Variants in FBXL17 observed in about 807,000 individuals in gnomAD.
FBXL17 encodes the protein F-box/LRR-repeat protein 17.
A neutral mutation model predicts 66.2 loss-of-function variants in FBXL17; 22 were observed. That is an observed-to-expected ratio of 0.33 (90% CI 0.24 to 0.47). The LOEUF (loss-of-function observed/expected upper bound fraction) is 0.47, where lower values mean the gene tolerates loss of function less well. Among genes scored for constraint, FBXL17 ranks in the 20% least tolerant of loss-of-function variants. The probability of loss-of-function intolerance (pLI) is 1.00; values close to 1 mark genes in which losing one functional copy is unlikely to be tolerated. For synonymous variants in FBXL17, 474 were observed against 400.5 expected (o/e 1.18, Z -2.19); for missense variants, 878 against 948.2 (o/e 0.93, Z 0.97).
rs192665688 is a variant in FBXL17, at chr5:107,991,648, C to T, written c.1822+29277G>A. 1.4e-4 allele frequency among the ~76,000 whole-genome samples: 21 copies of T among 152,300 alleles called. No individual in the cohort carries two copies. In the East Asian group the frequency reaches 3.3e-3, roughly 24 times the overall value. The stretch of plus-strand genomic sequence containing the variant: ...CTACAACAGAGAGAGAAGGTGGCCA[C>T]GACAGTTTGCAGATTAGCTATATTC... On this transcript the variant is annotated intron_variant, in intron 7 of 8. Transcript: ENST00000542267.
intron 3 of FBXL17, among the ~76,000 whole-genome samples, chr5:108,360,216 T>C (rs1317017212): frequency 6.6e-6 from 1 of 152,068 alleles, no homozygotes; most frequent in Non-Finnish European, 1.5e-5. Context: ...AATTACCATC[T>C]AGCATCTTAT....
chr5:108,100,119 T>C (rs78368753), intron 6 of FBXL17, among the ~76,000 whole-genome samples: 228 of 152,316 alleles, frequency 1.5e-3, no homozygotes, highest in Non-Finnish European at 2.7e-3. Flanking sequence ...CATTCACAGC[T>C]AGCATTCTAA....
chr5:108,012,947 G>T (rs183029510), intron 7 of FBXL17, among the ~76,000 whole-genome samples: 1 of 150,598 alleles, frequency 6.6e-6, no homozygotes, highest in Non-Finnish European at 1.5e-5. Flanking sequence ...CCTGGGAGGC[G>T]GAGGTTGCGT....
At chr5:108,290,966 A>G (rs1374679247) in intron 4 of FBXL17, among the ~76,000 whole-genome samples, 1 of 152,240 alleles carries the variant, frequency 6.6e-6, no homozygotes, top group African/African-American at 2.4e-5. Flanking sequence ...CAGAATATTA[A>G]AACTGCAGAA....
intron 6 of FBXL17, among the ~76,000 whole-genome samples, chr5:108,113,175 G>A (rs867236225): frequency 1.8e-4 from 28 of 152,198 alleles, no homozygotes; most frequent in African/African-American, 6.5e-4. Context: ...GTATGGGCAG[G>A]GCATCAGAGA....
chr5:108,376,674 A>G (rs1435010003), intron 1 of FBXL17, among the ~76,000 whole-genome samples: 2 of 151,974 alleles, frequency 1.3e-5, no homozygotes, highest in East Asian at 1.9e-4. Context: ...GTCAGTTTCT[A>G]TTAACTGCTT....
chr5:108,203,166 T>C (rs1464883178), intron 5 of FBXL17, among the ~76,000 whole-genome samples: 1 of 152,158 alleles, frequency 6.6e-6, no homozygotes, highest in Non-Finnish European at 1.5e-5. Context: ...TACATCATGA[T>C]GAATATTTTT....
At chr5:108,228,244 A>T (rs1459586841) in intron 4 of FBXL17, among the ~76,000 whole-genome samples, 2 of 152,174 alleles carry the variant, frequency 1.3e-5, no homozygotes, top group African/African-American at 4.8e-5. Context: ...GACTAATAAA[A>T]GGGCCTTGAA....
At chr5:107,993,012 T>C (rs6596765) in intron 7 of FBXL17, among the ~76,000 whole-genome samples, 52,253 of 151,680 alleles carry the variant, frequency 0.34, 9,652 homozygotes, top group African/African-American at 0.49. Context: ...TCTCCTGCCT[T>C]AGCCTCCCGA....
intron 6 of FBXL17, among the ~76,000 whole-genome samples, chr5:108,151,148 A>C (rs1297995109): frequency 6.6e-6 from 1 of 152,140 alleles, no homozygotes; most frequent in Non-Finnish European, 1.5e-5. Context: ...AATCTTTAGA[A>C]CTTTATCTGA....
chr5:108,303,897 T>C (rs987100700), intron 4 of FBXL17, among the ~76,000 whole-genome samples: 2 of 151,920 alleles, frequency 1.3e-5, no homozygotes, highest in African/African-American at 2.4e-5. Context: ...AAAAATTCAA[T>C]AGATATAACA....
intron 7 of FBXL17, among the ~76,000 whole-genome samples, chr5:107,948,648 G>A (rs1396398489): frequency 6.6e-6 from 1 of 152,136 alleles, no homozygotes; most frequent in African/African-American, 2.4e-5. Flanking sequence ...TCATGTCAAT[G>A]GCTTTTGAAT....
At chr5:107,947,857 T>TA (rs529379523) in intron 7 of FBXL17, among the ~76,000 whole-genome samples, 67 of 152,208 alleles carry the variant, frequency 4.4e-4, no homozygotes, top group African/African-American at 1.2e-3. Context: ...TCTTATTTTT[T>TA]AAAAAAACTC....
chr5:108,064,960 AT>A (rs565224960), intron 6 of FBXL17, among the ~76,000 whole-genome samples: 2 of 151,912 alleles, frequency 1.3e-5, no homozygotes, highest in Non-Finnish European at 2.9e-5. Context: ...TAGATATTTT[AT>A]TTTTTTATTA....
chr5:108,205,191 G>T (rs1249058294), intron 5 of FBXL17, among the ~76,000 whole-genome samples: 1 of 151,970 alleles, frequency 6.6e-6, no homozygotes, highest in Non-Finnish European at 1.5e-5. Context: ...GAGATTACGG[G>T]CACAAAACTA....
intron 7 of FBXL17, among the ~76,000 whole-genome samples, chr5:107,960,068 T>A (rs921149694): frequency 6.6e-6 from 1 of 152,144 alleles, no homozygotes; most frequent in South Asian, 2.1e-4. Context: ...GGGACAGAAA[T>A]CCGGAGAACT....
At chr5:108,104,289 G>T in intron 6 of FBXL17, among the ~76,000 whole-genome samples, 1 of 152,130 alleles carries the variant, frequency 6.6e-6, no homozygotes, top group East Asian at 1.9e-4. Flanking sequence ...TGCCTGCCTT[G>T]GCCTCCCAAA....
At chr5:108,316,864 T>C (rs1481783445) in intron 4 of FBXL17, among the ~76,000 whole-genome samples, 1 of 151,272 alleles carries the variant, frequency 6.6e-6, no homozygotes, top group Non-Finnish European at 1.5e-5. Flanking sequence ...CTGGAAACTT[T>C]GTAAGTTATT....
chr5:107,983,867 C>T (rs1752918635), intron 7 of FBXL17, among the ~76,000 whole-genome samples: 1 of 151,756 alleles, frequency 6.6e-6, no homozygotes, highest in African/African-American at 2.4e-5. Flanking sequence ...GGGAGGGAGA[C>T]AGGAAGAACA....
Sources: gnomAD v4.1 joint callset for allele counts (sites outside exome capture counted in the v4.1 genomes callset) on GRCh38, gnomAD v4.1.1 for gene constraint, MANE v1.5 for transcripts, NCBI Gene and HGNC (gene_info 2026-07-23, HGNC 2026-07-21) for gene names.